The following WRN variants were observed in gnomAD, a reference collection of about 807,000 sequenced individuals.
The protein encoded by WRN is bifunctional 3'-5' exonuclease/ATP-dependent helicase WRN.
Under a neutral mutation model 180.7 loss-of-function variants are expected in WRN, and 149 were observed. The ratio of observed to expected loss-of-function variants is 0.82; its 90% confidence interval spans 0.72 to 0.94. The LOEUF (loss-of-function observed/expected upper bound fraction) is 0.94. Ranked by LOEUF, WRN falls within the 40% of genes least tolerant of loss-of-function variation. The pLI, the probability that WRN is intolerant of heterozygous loss-of-function variation, is 0.00. For synonymous variants in WRN, 548 were observed against 568.9 expected, an observed-to-expected ratio of 0.96 and a Z score of 0.52; for missense variants, 1,661 against 1,700.1, an observed-to-expected ratio of 0.98 and a Z score of 0.40.
chr8:31,157,306 A>G, intron 32 of WRN, 62 bp from the exon 33 acceptor site: 13 of 1,604,876 alleles, frequency 8.1e-6, no homozygotes, highest in Non-Finnish European at 1.1e-5. Flanking sequence ...TGGACATTTT[A>G]TTTCCATGAC....
intron 6 of WRN, 86 bp downstream of exon 6, chr8:31,067,268 G>A (rs1812747532): frequency 2.1e-5 from 31 of 1,451,390 alleles, no homozygotes; most frequent in Non-Finnish European, 2.7e-5. Context: ...TTATAGTAGT[G>A]GCAGAAACTC....
rs11574290 is a variant in WRN at position 31,111,880 on chromosome 8, C to T, written c.2273+81C>T. ...CAACTTATGTATTTTATGTTATTTA[C>T]GATTTCCTTCTAATGCATATTTAAC... is the stretch of plus-strand genomic sequence containing the variant. On this transcript the variant is annotated intron_variant, in intron 19 of 34. Transcript: ENST00000298139. 9,434 of 1,504,382 alleles carry T rather than the reference C, an allele frequency of 6.3e-3. 519 individuals are homozygous for T. In the African/African-American group the frequency reaches 0.12, roughly 19 times the overall value. 93.2% of individuals were successfully genotyped at this position (1,504,382 alleles called of 1,614,324 possible). A position where few individuals can be genotyped will look rare whatever the true frequency, so the allele number is the denominator to read the frequency against.
rs534171606 is a variant in WRN at position 31,175,201 on chromosome 8, C to A, written c.*2099C>A. On this transcript the variant is annotated 3_prime_UTR_variant, in exon 35 of 35. Coordinates refer to ENST00000298139, the MANE Select transcript of WRN (RefSeq NM_000553.6). Reference sequence around the variant, plus strand: ...CCTGTAATCCCAGCACTTTGGGAGGCCGAGGCGGGCGGATCACGAGATCAG... The same window carrying A: ...CCTGTAATCCCAGCACTTTGGGAGGACGAGGCGGGCGGATCACGAGATCAG... Among the ~76,000 whole-genome samples, 261 of 152,188 alleles carry A rather than the reference C, an allele frequency of 1.7e-3. No homozygotes were observed. The highest frequency in any genetic ancestry group is 3.3e-3 in the Non-Finnish European group (223 of 68,002).
intron 7 of WRN, among the ~76,000 whole-genome samples, chr8:31,073,664 G>T (rs1812993956): frequency 6.6e-6 from 1 of 152,164 alleles, no homozygotes; most frequent in Non-Finnish European, 1.5e-5. Context: ...TAAAGAGTAG[G>T]TGTGATATTG....
chr8:31,131,160 C>CTTTTTTTTTTTTT lies in WRN; in HGVS notation c.2826-1196_2826-1195insTTTTTTTTTTTTT, dbSNP rs71206302. ...TGTGGTGGAACCAAATTGCAACTTT[C>CTTTTTTTTTTTTT]TTTTTTTTTGAGACAGAGTTTTGCT... On this transcript the variant is annotated intron_variant, in intron 23 of 34. Transcript: ENST00000298139. Among the ~76,000 whole-genome samples the CTTTTTTTTTTTTT allele has an allele frequency of 1.7e-3, 185 of 106,818 alleles. 9 individuals carry two copies. The highest frequency in any genetic ancestry group is 2.2e-3 in the South Asian group (7 of 3,210). 70.1% of individuals were successfully genotyped at this position (106,818 alleles called of 152,430 possible). A position where few individuals can be genotyped will look rare whatever the true frequency, so the allele number is the denominator to read the frequency against.
chr8:31,075,939 T>C (rs750739104), intron 7 of WRN, among the ~76,000 whole-genome samples: 11 of 152,202 alleles, frequency 7.2e-5, no homozygotes, highest in Non-Finnish European at 1.6e-4. Context: ...TGCTGGGTTA[T>C]AGTACAGATG....
chr8:31,085,318 T>A, intron 11 of WRN, 72 bp downstream of exon 11: 2 of 1,539,480 alleles, frequency 1.3e-6, no homozygotes, highest in South Asian at 2.3e-5. Context: ...AAATATTAAC[T>A]AATTCTAAAC....
intron 30 of WRN, among the ~76,000 whole-genome samples, chr8:31,149,502 T>G (rs1803024584): frequency 2.1e-5 from 2 of 94,112 alleles, no homozygotes; most frequent in Non-Finnish European, 4.0e-5. Flanking sequence ...GGTGATAGAG[T>G]CTCACTCTGT....
intron 23 of WRN, among the ~76,000 whole-genome samples, chr8:31,130,026 A>AAC (rs1563369277): frequency 8.9e-5 from 12 of 135,216 alleles, no homozygotes; most frequent in African/African-American, 3.6e-4. Context: ...AAAACAAAAC[A>AAC]AAAAAAAAAA....
At chr8:31,151,633 A>G (rs1046654375) in intron 31 of WRN, among the ~76,000 whole-genome samples, 5 of 152,192 alleles carry the variant, frequency 3.3e-5, no homozygotes, top group South Asian at 2.1e-4. Context: ...ATCTTCTTTC[A>G]TGAATTAGTG....
rs1016545658 is a variant in WRN, at chr8:31,066,927, G to A, written c.505-106G>A. On this transcript the variant is annotated intron_variant, in intron 5 of 34. Transcript: ENST00000298139. ...GAAGGCTATCTGTGGGTTGTATTTT[G>A]GTATAACATTTCCTAATTTTATTTG... The A allele has an allele frequency of 2.9e-6, 4 of 1,380,696 alleles. No homozygotes were observed. In the African/African-American group the frequency reaches 5.6e-5, roughly 19 times the overall value. 85.5% of individuals were successfully genotyped at this position (1,380,696 alleles called of 1,614,324 possible). A position where few individuals can be genotyped will look rare whatever the true frequency, so the allele number is the denominator to read the frequency against.
At chr8:31,075,719 C>CAG (rs1563335602) in intron 7 of WRN, among the ~76,000 whole-genome samples, 2 of 91,674 alleles carry the variant, frequency 2.2e-5, no homozygotes. Context: ...GACTCTGTCT[C>CAG]AAAAAAAAAA....
chr8:31,081,468 A>T (rs1419050080), intron 9 of WRN, among the ~76,000 whole-genome samples, 172 bp downstream of exon 9: 1 of 152,236 alleles, frequency 6.6e-6, no homozygotes, highest in East Asian at 1.9e-4. Context: ...AATGTAAACA[A>T]ATGTGCCTGT....
chr8:31,048,270 G>A (rs2129951911), intron 1 of WRN, among the ~76,000 whole-genome samples: 1 of 152,272 alleles, frequency 6.6e-6, no homozygotes, highest in South Asian at 2.1e-4. Flanking sequence ...GTTAAGATTA[G>A]CAGAAATGTA....
chr8:31,154,423 G>A (rs1000409619), intron 31 of WRN, among the ~76,000 whole-genome samples: 6 of 151,938 alleles, frequency 3.9e-5, no homozygotes, highest in South Asian at 2.1e-4. Flanking sequence ...TTAAAATTTT[G>A]TGTGCTCTAG....
intron 1 of WRN, among the ~76,000 whole-genome samples, chr8:31,047,093 C>A (rs1230172785): frequency 2.7e-5 from 4 of 149,094 alleles, no homozygotes; most frequent in Non-Finnish European, 5.9e-5. Context: ...TTAAATTGGT[C>A]TTACTGTAAA....
intron 17 of WRN, among the ~76,000 whole-genome samples, chr8:31,097,313 T>A (rs1725669951): frequency 6.6e-6 from 1 of 152,092 alleles, no homozygotes; most frequent in African/African-American, 2.4e-5. Flanking sequence ...TTTTCAAACT[T>A]TAAAAAAAAT....
At chr8:31,155,076 TCA>T (rs1280760439) in intron 32 of WRN, among the ~76,000 whole-genome samples, 2 of 152,152 alleles carry the variant, frequency 1.3e-5, no homozygotes, top group Non-Finnish European at 2.9e-5. Flanking sequence ...CTATAAATAT[TCA>T]CAGTGTTAAG....
At chr8:31,039,926 T>G (rs931781516) in intron 1 of WRN, among the ~76,000 whole-genome samples, 2 of 152,174 alleles carry the variant, frequency 1.3e-5, no homozygotes, top group Non-Finnish European at 2.9e-5. Flanking sequence ...TCCTTTAAAT[T>G]GTGTTATCTT....
Sources: allele counts gnomAD v4.1 joint callset (sites outside exome capture counted in the v4.1 genomes callset), GRCh38; gene constraint gnomAD v4.1.1; transcripts MANE v1.5; gene names NCBI Gene and HGNC (gene_info 2026-07-23, HGNC 2026-07-21).